DZIP3: variants seen among roughly 807,000 people sequenced by gnomAD.
DZIP3 encodes the protein E3 ubiquitin-protein ligase DZIP3.
In DZIP3, 118 loss-of-function variants were observed where a neutral mutation model predicts 162.0. That is an observed-to-expected ratio of 0.73 (90% CI 0.63 to 0.85). The LOEUF (loss-of-function observed/expected upper bound fraction) is 0.85. DZIP3 is among the 40% of genes least tolerant of loss of function. The probability of loss-of-function intolerance (pLI) is 0.00; values close to 1 mark genes in which losing one functional copy is unlikely to be tolerated. For synonymous variants in DZIP3, 438 were observed against 458.6 expected (o/e 0.96, Z 0.57); for missense variants, 1,331 against 1,407.0 (o/e 0.95, Z 0.86).
intron 4 of DZIP3, among the ~76,000 whole-genome samples, chr3:108,611,698 G>A (rs1421728461): frequency 6.6e-6 from 1 of 152,174 alleles, no homozygotes; most frequent in African/African-American, 2.4e-5. Context: ...AGGCACAGTG[G>A]CTCACGTCTC....
intron 26 of DZIP3, among the ~76,000 whole-genome samples, chr3:108,681,880 TGA>T (rs1245821131): frequency 2.4e-5 from 3 of 124,174 alleles, no homozygotes; most frequent in African/African-American, 3.4e-5. Context: ...AGTTGAACAA[TGA>T]GAACACATGG....
At chr3:108,597,784 TC>T (rs952461679) in intron 1 of DZIP3, among the ~76,000 whole-genome samples, 7 of 151,970 alleles carry the variant, frequency 4.6e-5, no homozygotes, top group Non-Finnish European at 8.8e-5. Context: ...TTTATCTTAT[TC>T]TTTTTTTATG....
chr3:108,662,578 A>G (rs1017231134), intron 21 of DZIP3, among the ~76,000 whole-genome samples: 1 of 152,216 alleles, frequency 6.6e-6, no homozygotes, highest in African/African-American at 2.4e-5. Context: ...GGCTGTTTCT[A>G]TATAGTATAT....
chr3:108,610,895 T>TGCTGTGTGTTTAATA (rs1241098434), intron 3 of DZIP3, among the ~76,000 whole-genome samples: 1 of 152,254 alleles, frequency 6.6e-6, no homozygotes, highest in African/African-American at 2.4e-5. Flanking sequence ...ATTTTCAAGT[T>TGCTGTGTGTTTAATA]GCTGTGTGTT....
At chr3:108,591,736 G>A (rs1939430228) in intron 1 of DZIP3, among the ~76,000 whole-genome samples, 1 of 152,156 alleles carries the variant, frequency 6.6e-6, no homozygotes, top group Non-Finnish European at 1.5e-5. Flanking sequence ...AGTGGCTCAC[G>A]CTTTTAATTT....
chr3:108,636,728 CTT>C lies in DZIP3; in HGVS notation c.1011+31_1011+32del, dbSNP rs10711080. The C allele has an allele frequency of 0.037, 30,544 of 834,510 alleles. No individual in the cohort carries two copies. The highest frequency in any genetic ancestry group is 0.041 in the East Asian group (1,018 of 25,078). 51.7% of individuals were successfully genotyped at this position (834,510 alleles called of 1,614,324 possible). ...ATTTTGGTGAGTATCTTGTTTTGTCCTTTTTTTTTTTTCTTGCTTTCCTTCCT... is the reference window on the plus strand; with the variant it reads ...ATTTTGGTGAGTATCTTGTTTTGTCCTTTTTTTTTTCTTGCTTTCCTTCCT... On this transcript the variant is annotated intron_variant, in intron 11 of 32. Coordinates refer to ENST00000361582, the MANE Select transcript of DZIP3 (RefSeq NM_014648.4).
At position 108,644,255 on chromosome 3, in the gene DZIP3, A is replaced by G. The variant is rs1942521777; in HGVS notation, c.1233A>G (p.Ile411Met). The part of the protein sequence containing the change: ...IISGTDIVRQ[I>M]FDEAMPPPLL... Reference sequence around the variant, plus strand: ...CTGGTACTGACATTGTTCGACAAATATTTGATGAGGCTATGCCACCTCCTC... The same window carrying G: ...CTGGTACTGACATTGTTCGACAAATGTTTGATGAGGCTATGCCACCTCCTC... Residue 411 changes from isoleucine (I) to methionine (M), a missense_variant, in exon 14 of 33, where the codon ATA (isoleucine) becomes ATG (methionine). Around this residue, in one of 2 missense-constraint regions of DZIP3, gnomAD observed 1,278 missense variants for 1,317.1 expected, o/e 0.97. Transcript: ENST00000361582. 2 of 1,613,926 alleles carry G rather than the reference A, an allele frequency of 1.2e-6. No homozygotes were observed. The highest frequency in any genetic ancestry group is 1.7e-6 in the Non-Finnish European group (2 of 1,179,928).
At chr3:108,602,606 T>C (rs548040601) in intron 1 of DZIP3, among the ~76,000 whole-genome samples, 1 of 152,334 alleles carries the variant, frequency 6.6e-6, no homozygotes, top group East Asian at 1.9e-4. Flanking sequence ...ATGAATACGC[T>C]AGGGGAAACT....
intron 5 of DZIP3, among the ~76,000 whole-genome samples, chr3:108,619,333 T>C (rs546222015): frequency 4.7e-5 from 7 of 150,398 alleles, no homozygotes; most frequent in Non-Finnish European, 8.8e-5. Flanking sequence ...TGTTTTGTTT[T>C]ATATACATAA....
chr3:108,630,181 C>T (rs895378061), intron 8 of DZIP3, among the ~76,000 whole-genome samples: 2 of 151,990 alleles, frequency 1.3e-5, no homozygotes, highest in Non-Finnish European at 2.9e-5. Flanking sequence ...ATTATTAACC[C>T]ATCTGATAAA....
chr3:108,596,918 T>C (rs1033517224), intron 1 of DZIP3, among the ~76,000 whole-genome samples: 20 of 152,118 alleles, frequency 1.3e-4, no homozygotes, highest in Admixed American at 4.6e-4. Flanking sequence ...AAGCATGAAA[T>C]CAGAAATCCT....
intron 1 of DZIP3, among the ~76,000 whole-genome samples, chr3:108,603,886 T>C (rs542472421): frequency 3.5e-4 from 53 of 152,282 alleles, no homozygotes; most frequent in African/African-American, 1.2e-3. Flanking sequence ...GTCCCCTCCC[T>C]TGATCTAAGC....
chr3:108,669,586 C>CT, intron 21 of DZIP3, 95 bp from the exon 22 acceptor site: 1 of 1,114,700 alleles, frequency 9.0e-7, no homozygotes, highest in Non-Finnish European at 1.3e-6. Context: ...AATGGACATA[C>CT]TTTATCTCCT....
chr3:108,669,311 A>G (rs1358795929), intron 21 of DZIP3, among the ~76,000 whole-genome samples: 3 of 151,954 alleles, frequency 2.0e-5, no homozygotes, highest in Non-Finnish European at 4.4e-5. Context: ...AAAGTTCTCA[A>G]TCTCACAACA....
intron 19 of DZIP3, among the ~76,000 whole-genome samples, chr3:108,655,040 A>G (rs961931608): frequency 2.0e-5 from 3 of 152,302 alleles, no homozygotes; most frequent in Non-Finnish European, 1.5e-5. Context: ...TAATTAGAAT[A>G]TGTACATTTT....
chr3:108,647,248 AG>A (rs1302423098), intron 15 of DZIP3, among the ~76,000 whole-genome samples: 6 of 152,234 alleles, frequency 3.9e-5, no homozygotes, highest in African/African-American at 1.4e-4. Flanking sequence ...AACTTTATTT[AG>A]TCTGTCTATT....
chr3:108,679,109 A>G (rs1391237893), intron 26 of DZIP3, among the ~76,000 whole-genome samples: 2 of 152,132 alleles, frequency 1.3e-5, no homozygotes, highest in African/African-American at 4.8e-5. Flanking sequence ...GCAGTAACAC[A>G]TATTTTTTTG....
intron 19 of DZIP3, among the ~76,000 whole-genome samples, chr3:108,658,048 T>C (rs1441059797): frequency 8.3e-6 from 1 of 119,986 alleles, no homozygotes; most frequent in Non-Finnish European, 2.1e-5. Context: ...ATGGGAGACT[T>C]TAACACCCCA....
At chr3:108,627,196 A>G (rs1346444260) in intron 7 of DZIP3, among the ~76,000 whole-genome samples, 3 of 152,212 alleles carry the variant, frequency 2.0e-5, no homozygotes, top group Non-Finnish European at 4.4e-5. Flanking sequence ...AAGAACAAAG[A>G]ATATATCCTG....
Sources: allele counts gnomAD v4.1 joint callset (sites outside exome capture counted in the v4.1 genomes callset), GRCh38; gene constraint gnomAD v4.1.1; regional missense constraint gnomAD v4.1.1; transcripts MANE v1.5; gene names NCBI Gene and HGNC (gene_info 2026-07-23, HGNC 2026-07-21).